PAX3: variants seen among roughly 807,000 people sequenced by gnomAD.
PAX3 encodes paired box 3.
In PAX3, 14 loss-of-function variants were observed where a neutral mutation model predicts 51.6. The ratio of observed to expected loss-of-function variants is 0.27; its 90% confidence interval spans 0.18 to 0.42. PAX3 has a LOEUF of 0.42. Ranked by LOEUF, PAX3 falls within the 10% of genes least tolerant of loss-of-function variation. PAX3 has a pLI of 1.00. For missense variants in PAX3, 540 were observed against 642.8 expected (o/e 0.84, Z 1.73); for synonymous variants, 280 against 253.4 (o/e 1.11, Z -1.00).
At chr2:222,213,124 T>C (rs368658999) in intron 7 of PAX3, among the ~76,000 whole-genome samples, 2 of 152,188 alleles carry the variant, frequency 1.3e-5, no homozygotes, top group African/African-American at 4.8e-5. Context: ...CTCATTTCAG[T>C]GACGTGATGT....
intron 4 of PAX3, among the ~76,000 whole-genome samples, chr2:222,254,384 C>T (rs1281100669): frequency 6.7e-6 from 1 of 149,322 alleles, no homozygotes; most frequent in East Asian, 2.2e-4. Flanking sequence ...TGACATGCTT[C>T]CTCTTGCAAT....
chr2:222,247,650 C>T (rs1218930222), intron 4 of PAX3, among the ~76,000 whole-genome samples: 1 of 151,990 alleles, frequency 6.6e-6, no homozygotes, highest in Non-Finnish European at 1.5e-5. Flanking sequence ...ATGATCAACT[C>T]ATTTTTTTCT....
intron 4 of PAX3, among the ~76,000 whole-genome samples, chr2:222,234,334 AACTT>A (rs1157308601): frequency 6.6e-6 from 1 of 152,182 alleles, no homozygotes; most frequent in East Asian, 1.9e-4. Flanking sequence ...TTTTACTACT[AACTT>A]AAAGAAAGAA....
chr2:222,295,505 G>A (rs1251344797), intron 3 of PAX3, 23 bp downstream of exon 3: 3 of 1,614,084 alleles, frequency 1.9e-6, no homozygotes, highest in East Asian at 4.5e-5. Context: ...CGCGCCTCGG[G>A]GAGAGGTTAA....
At chr2:222,263,932 T>C (rs1048191132) in intron 4 of PAX3, 2 of 152,194 alleles carry the variant, frequency 1.3e-5, no homozygotes, top group Non-Finnish European at 2.9e-5. Flanking sequence ...TCTTAAAGAA[T>C]AAAACTACAT....
intron 4 of PAX3, chr2:222,264,650 A>G (rs1283032381): frequency 6.6e-6 from 1 of 152,228 alleles, no homozygotes; most frequent in African/African-American, 2.4e-5. Context: ...GAAAAAAAAT[A>G]ATTTGTAACT....
At chr2:222,241,479 T>A (rs963533022) in intron 4 of PAX3, among the ~76,000 whole-genome samples, 8 of 152,194 alleles carry the variant, frequency 5.3e-5, no homozygotes, top group Admixed American at 5.2e-4. Flanking sequence ...CATAAAACAG[T>A]GCGTTGAAAG....
At chr2:222,244,734 C>CAAAA (rs35127003) in intron 4 of PAX3, among the ~76,000 whole-genome samples, 1 of 109,718 alleles carries the variant, frequency 9.1e-6, no homozygotes, top group Non-Finnish European at 2.0e-5. Flanking sequence ...TATTGTTCAC[C>CAAAA]AAAAAAAAAA....
At position 222,297,204 on chromosome 2, in the gene PAX3, G is replaced by A. The variant is rs1236927078; in HGVS notation, c.95C>T (p.Pro32Leu). 6.3e-7 allele frequency: 1 copy of A among 1,579,094 alleles called. No homozygotes were observed. The highest frequency in any genetic ancestry group is 8.6e-7 in the Non-Finnish European group (1 of 1,162,052). ...CTGGTTGACGCGGCCCTGGCCGAGG[G>A]GAGTGGACACTGTGGGAAGGTGAAA... ...RSGFPLEVST[P>L]LGQGRVNQLG... Residue 32 changes from proline to leucine, a missense_variant, in exon 2 of 9, where the codon CCC becomes CTC. By Grantham distance (98) the Pro-to-Leu change is moderately conservative (BLOSUM62 -3). This residue lies in a region of PAX3 where 63 missense variants were observed against 49.9 expected (regional missense o/e 1.26). Transcript: ENST00000392070.
intron 4 of PAX3, among the ~76,000 whole-genome samples, chr2:222,276,348 G>C (rs914762965): frequency 2.0e-5 from 3 of 152,204 alleles, no homozygotes; most frequent in African/African-American, 7.2e-5. Context: ...TTCCCAGAAG[G>C]CTTCATTTCC....
chr2:222,269,792 T>C (rs1352026816), intron 4 of PAX3, among the ~76,000 whole-genome samples: 3 of 152,164 alleles, frequency 2.0e-5, no homozygotes, highest in African/African-American at 7.2e-5. Context: ...TTGTGTGCCA[T>C]GGGTAGCACA....
At chr2:222,238,204 G>C (rs973459218) in intron 4 of PAX3, among the ~76,000 whole-genome samples, 4 of 152,174 alleles carry the variant, frequency 2.6e-5, no homozygotes, top group African/African-American at 9.7e-5. Context: ...GAAGGCAAAA[G>C]TATTACCACC....
chr2:222,227,097 G>A (rs1692412781), intron 5 of PAX3, among the ~76,000 whole-genome samples: 1 of 151,914 alleles, frequency 6.6e-6, no homozygotes, highest in South Asian at 2.1e-4. Context: ...AGTCCAAAAG[G>A]ATTCCAGCAA....
intron 7 of PAX3, among the ~76,000 whole-genome samples, chr2:222,213,629 T>C (rs138051673): frequency 6.6e-6 from 1 of 152,306 alleles, no homozygotes; most frequent in African/African-American, 2.4e-5. Flanking sequence ...CCAGCTTTGT[T>C]TGACACCCAA....
chr2:222,217,026 C>T lies in PAX3; in HGVS notation c.1173+3114G>A, dbSNP rs551030679. On this transcript the variant is annotated intron_variant, in intron 7 of 8. Transcript: ENST00000392070. ...AGATGGCAGAAGGCCTATGATGACA[C>T]GTAAAGACAGAGAAAAGGCAAGATA... Among the ~76,000 whole-genome samples the T allele has an allele frequency of 4.0e-4, 61 of 152,174 alleles. 1 individual carries two copies. Among genetic ancestry groups the T allele is most frequent in the African/African-American group, 1.4e-3 (57 of 41,524 alleles).
chr2:222,221,449 A>AT (rs1692189991), intron 5 of PAX3, 62 bp from the exon 6 acceptor site: 2 of 1,451,640 alleles, frequency 1.4e-6, no homozygotes, highest in Admixed American at 3.3e-5. Context: ...TTCTTAATGA[A>AT]TTTTTTATGC....
intron 5 of PAX3, among the ~76,000 whole-genome samples, chr2:222,223,693 C>A (rs1243488224): frequency 6.6e-6 from 1 of 152,176 alleles, no homozygotes; most frequent in African/African-American, 2.4e-5. Context: ...TCTAGACCAG[C>A]GATGTACAGT....
At chr2:222,272,124 A>G (rs1221736407) in intron 4 of PAX3, among the ~76,000 whole-genome samples, 1 of 152,164 alleles carries the variant, frequency 6.6e-6, no homozygotes, top group Non-Finnish European at 1.5e-5. Context: ...GAAACACTGC[A>G]TAGTAGCCGC....
Position 222,221,225 on chromosome 2 carries a change from G to T in PAX3, c.955C>A (p.Gln319Lys). 1 of 1,613,942 alleles carries T rather than the reference G, an allele frequency of 6.2e-7. No homozygotes were observed. The highest frequency in any genetic ancestry group is 8.5e-7 in the Non-Finnish European group (1 of 1,179,866). ...CTCCTTGACTCTTCCTCGGTACCTT[G>T]TGGAATAGATGTGGGCTGGTAAGAG... ...ETSYQPTSIP[Q>K]AVSDPSSTVH... The change falls in exon 6 of 9, where the codon CAA becomes AAA. Residue 319 changes from glutamine to lysine, a missense_variant. By Grantham distance (53) the Gln-to-Lys change is moderately conservative (BLOSUM62 1). Transcript: ENST00000392070.
Sources: allele counts gnomAD v4.1 joint callset (sites outside exome capture counted in the v4.1 genomes callset), GRCh38; gene constraint gnomAD v4.1.1; regional missense constraint gnomAD v4.1.1; transcripts MANE v1.5; gene names NCBI Gene and HGNC (gene_info 2026-07-23, HGNC 2026-07-21).